The following GRID1 variants were observed in gnomAD, a reference collection of about 807,000 sequenced individuals.
The protein encoded by GRID1 is glutamate ionotropic receptor delta type subunit 1.
A neutral mutation model predicts 98.0 loss-of-function variants in GRID1; 28 were observed. The ratio of observed to expected loss-of-function variants is 0.29; its 90% CI spans 0.21 to 0.39. The LOEUF (loss-of-function observed/expected upper bound fraction) is 0.39, where lower values mean the gene tolerates loss of function less well. GRID1 is among the 10% of genes least tolerant of loss of function. The pLI, the probability that GRID1 is intolerant of heterozygous loss-of-function variation, is 1.00. For synonymous variants in GRID1, 553 were observed against 538.5 expected (o/e 1.03, Z -0.37); for missense variants, 1,111 against 1,340.5 (o/e 0.83, Z 2.67).
intron 12 of GRID1, among the ~76,000 whole-genome samples, chr10:85,682,364 A>G (rs1243748279): frequency 6.6e-6 from 1 of 152,216 alleles, no homozygotes; most frequent in East Asian, 1.9e-4. Context: ...GTGTGCAGCA[A>G]TTATGGTCTA....
intron 3 of GRID1, among the ~76,000 whole-genome samples, chr10:86,178,733 G>A (rs1171121889): frequency 1.3e-5 from 2 of 152,128 alleles, no homozygotes; most frequent in African/African-American, 4.8e-5. Context: ...GCCTTTGAGA[G>A]GCTCTGATTT....
At chr10:85,884,352 T>C (rs533100542) in intron 5 of GRID1, among the ~76,000 whole-genome samples, 1 of 152,294 alleles carries the variant, frequency 6.6e-6, no homozygotes, top group South Asian at 2.1e-4. Flanking sequence ...GCTCCCTATA[T>C]GTTTTGACTT....
chr10:86,130,879 A>G (rs1844825174), intron 4 of GRID1, among the ~76,000 whole-genome samples: 1 of 152,160 alleles, frequency 6.6e-6, no homozygotes, highest in Admixed American at 6.5e-5. Flanking sequence ...CCCTAGTGCT[A>G]CCGTGGGGCC....
chr10:85,835,116 T>C (rs1428864642), intron 8 of GRID1, among the ~76,000 whole-genome samples: 1 of 152,080 alleles, frequency 6.6e-6, no homozygotes, highest in Non-Finnish European at 1.5e-5. Context: ...GAAAAATCCA[T>C]CAGGAAGACA....
chr10:85,866,582 T>C (rs1843223844), intron 6 of GRID1, among the ~76,000 whole-genome samples: 1 of 152,124 alleles, frequency 6.6e-6, no homozygotes, highest in Non-Finnish European at 1.5e-5. Context: ...AAATTTCAGA[T>C]TTCAGAGTAC....
chr10:86,221,527 G>A (rs1846254582), intron 2 of GRID1, among the ~76,000 whole-genome samples: 1 of 152,332 alleles, frequency 6.6e-6, no homozygotes, highest in Non-Finnish European at 1.5e-5. Context: ...TGGAGGTCCA[G>A]CAGGTGGAGT....
chr10:86,203,693 C>T (rs1161382953), intron 3 of GRID1, among the ~76,000 whole-genome samples: 3 of 151,648 alleles, frequency 2.0e-5, no homozygotes, highest in Admixed American at 2.0e-4. Context: ...AGGGCTAGCA[C>T]CCTGGACAGC....
intron 4 of GRID1, among the ~76,000 whole-genome samples, chr10:85,965,544 C>A (rs556780665): frequency 6.6e-6 from 1 of 152,216 alleles, no homozygotes; most frequent in South Asian, 2.1e-4. Context: ...GAACAGAAAA[C>A]CAAACACCAC....
chr10:85,698,514 T>G (rs1433956440), intron 12 of GRID1, among the ~76,000 whole-genome samples: 1 of 151,376 alleles, frequency 6.6e-6, no homozygotes, highest in Non-Finnish European at 1.5e-5. Context: ...TTTTTAGCAC[T>G]GAATCATATT....
chr10:85,736,161 G>A (rs1043039840), intron 8 of GRID1, among the ~76,000 whole-genome samples: 2 of 140,224 alleles, frequency 1.4e-5, no homozygotes, highest in East Asian at 2.4e-4. Context: ...AGGAGGGAGG[G>A]AGGGACACAG....
intron 8 of GRID1, among the ~76,000 whole-genome samples, chr10:85,791,895 G>T (rs1842484000): frequency 6.6e-6 from 1 of 152,152 alleles, no homozygotes; most frequent in Non-Finnish European, 1.5e-5. Flanking sequence ...GGGCTTTTGT[G>T]CAGGGGGCAT....
At chr10:85,814,560 A>G (rs1420430044) in intron 8 of GRID1, among the ~76,000 whole-genome samples, 1 of 151,990 alleles carries the variant, frequency 6.6e-6, no homozygotes, top group African/African-American at 2.4e-5. Context: ...CTGTCCAAGT[A>G]ATGAATAGAA....
intron 5 of GRID1, among the ~76,000 whole-genome samples, chr10:85,911,921 T>C (rs1206046699): frequency 1.3e-5 from 2 of 152,248 alleles, no homozygotes; most frequent in Non-Finnish European, 1.5e-5. Context: ...CAAGGCTGAC[T>C]GGGCTTGAAC....
At chr10:85,716,593 ATATAT>A (rs916317280) in intron 12 of GRID1, among the ~76,000 whole-genome samples, 3 of 149,390 alleles carry the variant, frequency 2.0e-5, no homozygotes, top group Non-Finnish European at 3.0e-5. Flanking sequence ...AGAAAATGTG[ATATAT>A]TATATATGTA....
chr10:85,709,199 C>A, intron 12 of GRID1: 1 of 248,434 alleles, frequency 4.0e-6, no homozygotes, highest in Non-Finnish European at 8.4e-6. Context: ...CTGCAGCCAA[C>A]AGTGACAAGA....
chr10:86,003,722 C>T (rs1410810936), intron 4 of GRID1, among the ~76,000 whole-genome samples: 1 of 152,234 alleles, frequency 6.6e-6, no homozygotes, highest in Non-Finnish European at 1.5e-5. Flanking sequence ...GATATTCAAA[C>T]ATCTATAAAT....
intron 12 of GRID1, among the ~76,000 whole-genome samples, chr10:85,649,427 C>G (rs992148417): frequency 2.6e-5 from 4 of 151,864 alleles, no homozygotes; most frequent in African/African-American, 7.3e-5. Context: ...GTTCCTTTGC[C>G]TGAAGGGCCC....
At chr10:86,351,413 C>T (rs891842412) in intron 2 of GRID1, among the ~76,000 whole-genome samples, 1 of 152,190 alleles carries the variant, frequency 6.6e-6, no homozygotes, top group African/African-American at 2.4e-5. Flanking sequence ...GCTGAGGGAT[C>T]AATGGGTCCA....
At chr10:86,071,578 A>G (rs926433128) in intron 4 of GRID1, among the ~76,000 whole-genome samples, 1 of 152,214 alleles carries the variant, frequency 6.6e-6, no homozygotes, top group African/African-American at 2.4e-5. Context: ...CCCTTGCTCC[A>G]TTAAACTCAT....
Sources: gnomAD v4.1 joint callset for allele counts (sites outside exome capture counted in the v4.1 genomes callset) on GRCh38, gnomAD v4.1.1 for gene constraint, MANE v1.5 for transcripts, NCBI Gene and HGNC (gene_info 2026-07-23, HGNC 2026-07-21) for gene names.